Variants in UAP1 observed in about 807,000 individuals in gnomAD.
UAP1 encodes UDP-N-acetylhexosamine pyrophosphorylase.
UAP1 carries 25 observed loss-of-function variants against 58.5 expected under a neutral mutation model. The observed-to-expected ratio is 0.43, with a 90% CI of 0.31 to 0.60. The LOEUF is 0.60. Among genes scored for constraint, UAP1 ranks in the 20% least tolerant of loss-of-function variants. The pLI is 0.11. For missense variants in UAP1, 575 were observed against 630.0 expected, an observed-to-expected ratio of 0.91 and a Z score of 0.93; for synonymous variants, 208 against 213.0, an observed-to-expected ratio of 0.98 and a Z score of 0.21.
chr1:162,590,421 A>G, exon 8 of UAP1: 1 of 1,613,726 alleles, frequency 6.2e-7, no homozygotes, highest in African/African-American at 1.3e-5. Context: ...ACTGCAAGGC[A>G]TGCTTTGATG....
chr1:162,598,923 C>T (rs1235378716), intron 10 of UAP1, among the ~76,000 whole-genome samples: 8 of 151,268 alleles, frequency 5.3e-5, no homozygotes, highest in Admixed American at 1.3e-4. Flanking sequence ...GGCTGAGGCA[C>T]GAGAATTGCT....
chr1:162,590,365 C>T lies in UAP1; in HGVS notation c.1212C>T (p.Ser404=), dbSNP rs374908258. ...AAGTATTGCGAGAAGATGAGTTTTCCCCACTAAAGAATGCTGATAGTCAGA... is the reference window on the plus strand; with the variant it reads ...AAGTATTGCGAGAAGATGAGTTTTCTCCACTAAAGAATGCTGATAGTCAGA... The change falls in exon 8 of 11, where the codon TCC becomes TCT. Residue 404 remains serine, a synonymous_variant. Transcript: ENST00000271469. 3 of 1,612,080 alleles carry T rather than the reference C, an allele frequency of 1.9e-6. No individual in the cohort carries two copies. In the African/African-American group the frequency reaches 4.0e-5, roughly 22 times the overall value.
intron 1 of UAP1, among the ~76,000 whole-genome samples, chr1:162,564,894 T>A (rs1336994332): frequency 5.3e-5 from 8 of 152,108 alleles, no homozygotes; most frequent in Non-Finnish European, 7.4e-5. Context: ...TTTATTTTTT[T>A]GAGATAGAAT....
rs1203189994 is a variant in UAP1 at position 162,576,934 on chromosome 1, A to G, written c.438A>G (p.Leu146=). ...TTCAAGCAGAGCGTATCCTGAAGCT[A>G]CAGCAGGTTGCTGAAAAATATTATG... Residue 146 remains leucine (L), a synonymous_variant, in exon 3 of 11, where the codon CTA becomes CTG. Transcript: ENST00000271469. 3 of 1,614,212 alleles carry G rather than the reference A, an allele frequency of 1.9e-6. No individual in the cohort carries two copies. The South Asian group carries it at 3.3e-5, about 18-fold the overall frequency.
At chr1:162,581,265 A>T in intron 4 of UAP1, 22 bp from the exon 5 acceptor site, 1 of 1,601,290 alleles carries the variant, frequency 6.2e-7, no homozygotes, top group Non-Finnish European at 8.5e-7. Flanking sequence ...ATATGCTACT[A>T]ATGGGCTATT....
chr1:162,598,736 G>A (rs1271945795), intron 10 of UAP1, among the ~76,000 whole-genome samples: 1 of 152,138 alleles, frequency 6.6e-6, no homozygotes, highest in African/African-American at 2.4e-5. Context: ...TCTACTGGCC[G>A]CTTGCAGTGG....
At chr1:162,573,781 A>G (rs1654008621) in intron 2 of UAP1, among the ~76,000 whole-genome samples, 3 of 152,078 alleles carry the variant, frequency 2.0e-5, no homozygotes, top group African/African-American at 7.2e-5. Flanking sequence ...CCTGGGCAAC[A>G]TGGTGAGACC....
Position 162,567,533 on chromosome 1 carries a change from A to G in UAP1, c.280+1185A>G, listed in dbSNP as rs142281330. Among the ~76,000 whole-genome samples the G allele has an allele frequency of 3.4e-3, 518 of 152,294 alleles. 1 individual carries two copies. Among genetic ancestry groups the G allele is most frequent in the Admixed American group, 5.3e-3 (81 of 15,292 alleles). On this transcript the variant is annotated intron_variant, in intron 2 of 10. Transcript: ENST00000271469. ...GGTGGAGTTGAAAGCTGTGTTTTTTATAATCTATTACTCCTCTGTAAGTAA... is the reference window on the plus strand; with the variant it reads ...GGTGGAGTTGAAAGCTGTGTTTTTTGTAATCTATTACTCCTCTGTAAGTAA...
intron 5 of UAP1, among the ~76,000 whole-genome samples, chr1:162,583,574 GT>G (rs1654732977): frequency 1.3e-5 from 2 of 152,214 alleles, no homozygotes; most frequent in Non-Finnish European, 2.9e-5. Context: ...AGATCATCTG[GT>G]CAACCCCTTT....
chr1:162,563,357 CTT>C (rs200974598), intron 1 of UAP1, among the ~76,000 whole-genome samples: 1 of 146,928 alleles, frequency 6.8e-6, no homozygotes, highest in East Asian at 2.0e-4. Flanking sequence ...ATGAGGTACC[CTT>C]TTTTTTTTTA....
At chr1:162,598,109 G>T (rs1655717097) in intron 10 of UAP1, among the ~76,000 whole-genome samples, 1 of 152,090 alleles carries the variant, frequency 6.6e-6, no homozygotes, top group South Asian at 2.1e-4. Flanking sequence ...GCTCACTCCT[G>T]TAATCCCAGT....
chr1:162,587,677 A>G lies in UAP1; in HGVS notation c.1028+9A>G. The G allele has an allele frequency of 6.2e-7, 1 of 1,607,524 alleles. No homozygotes were observed. The highest frequency in any genetic ancestry group is 1.3e-5 in the African/African-American group (1 of 74,834). ...CTGAGAGATGTTGTCAAGTATGGGCAAGATGGGGGCCTTTTAAAATTATAT... is the reference window on the plus strand; with the variant it reads ...CTGAGAGATGTTGTCAAGTATGGGCGAGATGGGGGCCTTTTAAAATTATAT... On this transcript the variant is annotated intron_variant, in intron 6 of 10. Transcript: ENST00000271469.
chr1:162,599,258 A>G lies in UAP1; in HGVS notation c.1477-13A>G. ...AATTTTCTAATTGTGTTTCATTTCA[A>G]TCCTCTTTTTAGGGATTAGAAAGTT... On this transcript the variant is annotated splice_polypyrimidine_tract_variant and intron_variant, in intron 10 of 10. Transcript: ENST00000271469. 3 of 1,588,352 alleles carry G rather than the reference A, an allele frequency of 1.9e-6. No homozygotes were observed. The highest frequency in any genetic ancestry group is 2.6e-6 in the Non-Finnish European group (3 of 1,157,882).
intron 3 of UAP1, among the ~76,000 whole-genome samples, chr1:162,578,802 G>C (rs1654370346): frequency 6.6e-6 from 1 of 152,104 alleles, no homozygotes; most frequent in Non-Finnish European, 1.5e-5. Flanking sequence ...CTTTTTCTAG[G>C]TATTGAGGAT....
chr1:162,587,781 TGA>T (rs1331683149), intron 6 of UAP1, 113 bp downstream of exon 6: 1 of 1,018,382 alleles, frequency 9.8e-7, no homozygotes, highest in African/African-American at 1.6e-5. Flanking sequence ...TCATCTTTCC[TGA>T]GGATCACTTA....
intron 10 of UAP1, among the ~76,000 whole-genome samples, chr1:162,598,341 G>A (rs1340526320): frequency 1.3e-5 from 2 of 152,182 alleles, no homozygotes; most frequent in Non-Finnish European, 2.9e-5. Flanking sequence ...AGCTCTTCCT[G>A]GGAACAAGTT....
At chr1:162,577,553 A>G (rs1654279617) in intron 3 of UAP1, among the ~76,000 whole-genome samples, 1 of 140,124 alleles carries the variant, frequency 7.1e-6, no homozygotes, top group African/African-American at 2.7e-5. Context: ...GTCTCAAGCC[A>G]TCCTCCTACC....
intron 1 of UAP1, among the ~76,000 whole-genome samples, chr1:162,563,387 GGA>G (rs1301710930): frequency 6.6e-6 from 1 of 151,358 alleles, no homozygotes; most frequent in Non-Finnish European, 1.5e-5. Flanking sequence ...TTTTTGAGAC[GGA>G]GAGTCTCACT....
chr1:162,590,511 G>T, exon 8 of UAP1: 3 of 1,594,904 alleles, frequency 1.9e-6, no homozygotes, highest in East Asian at 4.5e-5. Flanking sequence ...GCAATTCCCC[G>T]GTAAGTCAGT....
Sources: allele counts gnomAD v4.1 joint callset (sites outside exome capture counted in the v4.1 genomes callset), GRCh38; gene constraint gnomAD v4.1.1; transcripts MANE v1.5; gene names NCBI Gene and HGNC (gene_info 2026-07-23, HGNC 2026-07-21).